Variants in SFMBT2 observed in about 807,000 individuals in gnomAD.
SFMBT2 encodes the protein scm-like with four MBT domains protein 2.
SFMBT2 carries 38 observed loss-of-function variants against 110.1 expected under a neutral mutation model. The observed-to-expected ratio is 0.35, with a 90% CI of 0.27 to 0.45. The LOEUF (loss-of-function observed/expected upper bound fraction) is 0.45, where lower values mean the gene tolerates loss of function less well. Among genes scored for constraint, SFMBT2 ranks in the 20% least tolerant of loss-of-function variants. The pLI, the probability that SFMBT2 is intolerant of heterozygous loss-of-function variation, is 1.00. For synonymous variants in SFMBT2, 425 were observed against 425.4 expected (o/e 1.00, Z 0.01); for missense variants, 1,011 against 1,094.9 (o/e 0.92, Z 1.08).
At chr10:7,394,504 A>G (rs1845868401) in intron 1 of SFMBT2, among the ~76,000 whole-genome samples, 2 of 144,452 alleles carry the variant, frequency 1.4e-5, no homozygotes, top group Non-Finnish European at 3.0e-5. Context: ...TGGTCACATG[A>G]CCCCCACCCC....
Position 7,243,517 on chromosome 10 carries a change from C to T in SFMBT2, c.1120+41G>A, listed in dbSNP as rs151087955. 66 of 867,764 alleles carry T rather than the reference C, an allele frequency of 7.6e-5. 1 individual carries two copies. Among genetic ancestry groups the T allele is most frequent in the African/African-American group, 5.7e-4 (35 of 61,266 alleles). The allele number at this position is 867,764 out of a possible 1,614,324, so 53.8% of individuals were successfully genotyped here. A position where few individuals can be genotyped will look rare whatever the true frequency, so the allele number is the denominator to read the frequency against. On this transcript the variant is annotated intron_variant, in intron 9 of 20. Coordinates refer to ENST00000397167, the MANE Select transcript of SFMBT2 (RefSeq NM_001387889.1). ...TACTTCAATGACAGTAAGACACCCTCCTGAATCTCCAGACCCTGCATACCT... is the reference window on the plus strand; with the variant it reads ...TACTTCAATGACAGTAAGACACCCTTCTGAATCTCCAGACCCTGCATACCT...
intron 16 of SFMBT2, among the ~76,000 whole-genome samples, chr10:7,182,525 T>C (rs1248949331): frequency 1.3e-5 from 2 of 152,082 alleles, no homozygotes; most frequent in East Asian, 3.9e-4. Context: ...CACCATGGAC[T>C]ACTATGCAGC....
intron 4 of SFMBT2, among the ~76,000 whole-genome samples, chr10:7,341,899 T>A (rs745479909): frequency 1.7e-4 from 26 of 152,208 alleles, no homozygotes; most frequent in Non-Finnish European, 2.9e-4. Context: ...TAAAAAGTTT[T>A]CAAAGCAGAA....
chr10:7,273,149 C>T (rs574706599), intron 7 of SFMBT2, among the ~76,000 whole-genome samples: 1 of 152,222 alleles, frequency 6.6e-6, no homozygotes, highest in East Asian at 1.9e-4. Context: ...TCTACACCCA[C>T]ACAAACTATC....
At chr10:7,329,419 TAA>T in intron 4 of SFMBT2, 1 of 984,986 alleles carries the variant, frequency 1.0e-6, no homozygotes, top group Non-Finnish European at 1.2e-6. Flanking sequence ...GCACGGGTGC[TAA>T]AGACATCCCC....
At chr10:7,246,468 C>G (rs184624882) in intron 8 of SFMBT2, among the ~76,000 whole-genome samples, 1 of 152,180 alleles carries the variant, frequency 6.6e-6, no homozygotes, top group African/African-American at 2.4e-5. Flanking sequence ...CGCCTATAAT[C>G]CCAGCACTTT....
intron 20 of SFMBT2, 163 bp from the exon 21 acceptor site, chr10:7,164,073 G>A (rs1245321916): frequency 1.0e-5 from 10 of 985,276 alleles, no homozygotes; most frequent in Non-Finnish European, 1.2e-6. Context: ...CTTGATGACT[G>A]TCTAATCTTT....
chr10:7,393,947 C>T (rs573164099), intron 1 of SFMBT2, among the ~76,000 whole-genome samples: 60 of 152,268 alleles, frequency 3.9e-4, no homozygotes, highest in Middle Eastern at 3.4e-3. Flanking sequence ...AACTTTGGGT[C>T]GCTGATACAC....
rs144600873 is a variant in SFMBT2, at chr10:7,354,861, A to G, written c.436+12788T>C. Among the ~76,000 whole-genome samples the G allele has an allele frequency of 1.1e-3, 167 of 152,366 alleles. 1 individual carries two copies. The highest frequency in any genetic ancestry group is 9.0e-3 in the Admixed American group (137 of 15,306). ...AGACAGAAAGTTGGCCAAAAGCCAG[A>G]GATGACTAAATTCAATTATGAGAAC... On this transcript the variant is annotated intron_variant, in intron 4 of 20. Transcript: ENST00000397167.
chr10:7,249,191 G>A, intron 7 of SFMBT2: 3 of 322,760 alleles, frequency 9.3e-6, no homozygotes, highest in Non-Finnish European at 1.3e-5. Context: ...GATGCCTGCA[G>A]GTAAGAATCC....
At chr10:7,270,536 G>A (rs1054353347) in intron 7 of SFMBT2, among the ~76,000 whole-genome samples, 2 of 152,170 alleles carry the variant, frequency 1.3e-5, no homozygotes, top group Non-Finnish European at 2.9e-5. Flanking sequence ...AAACATTAAT[G>A]AAAGTATCTC....
intron 4 of SFMBT2, among the ~76,000 whole-genome samples, chr10:7,287,077 CTTTTTT>C (rs761728311): frequency 2.0e-5 from 2 of 99,686 alleles, no homozygotes; most frequent in Non-Finnish European, 3.8e-5. Context: ...TTTGAGGCAT[CTTTTTT>C]TTTTTTTTTT....
At chr10:7,401,437 C>T (rs543707548) in intron 1 of SFMBT2, among the ~76,000 whole-genome samples, 1 of 152,298 alleles carries the variant, frequency 6.6e-6, no homozygotes, top group African/African-American at 2.4e-5. Context: ...CTTAACACCT[C>T]CTGTTTGTTT....
intron 8 of SFMBT2, chr10:7,246,128 T>C (rs1209081887): frequency 4.1e-6 from 4 of 983,940 alleles, no homozygotes; most frequent in East Asian, 1.1e-4. Flanking sequence ...ATACAAAACA[T>C]GGTCAATAAG....
At chr10:7,244,089 C>A in intron 8 of SFMBT2, 1 of 827,584 alleles carries the variant, frequency 1.2e-6, no homozygotes, top group Non-Finnish European at 1.5e-6. Context: ...GTGTCCACAG[C>A]CAGCACCAAA....
intron 1 of SFMBT2, among the ~76,000 whole-genome samples, chr10:7,405,807 C>G (rs12358616): frequency 0.029 from 4,325 of 149,032 alleles, 116 homozygotes; most frequent in Non-Finnish European, 0.043. Context: ...TGTCCACCTA[C>G]ACACTAGGCC....
chr10:7,314,991 AAAG>A (rs1166669358), intron 4 of SFMBT2, among the ~76,000 whole-genome samples: 1 of 150,498 alleles, frequency 6.6e-6, no homozygotes, highest in Non-Finnish European at 1.5e-5. Context: ...AAAGAGAAAG[AAAG>A]AAAGAAAAGA....
intron 4 of SFMBT2, among the ~76,000 whole-genome samples, chr10:7,349,607 G>A (rs929752518): frequency 4.6e-5 from 7 of 151,390 alleles, no homozygotes; most frequent in South Asian, 2.1e-4. Flanking sequence ...ACAGGTGCCC[G>A]CCACCACACC....
intron 4 of SFMBT2, among the ~76,000 whole-genome samples, chr10:7,364,568 C>T (rs774150791): frequency 2.0e-5 from 3 of 152,230 alleles, no homozygotes; most frequent in African/African-American, 7.2e-5. Context: ...TTCAAGACCC[C>T]AGAACTTGTC....
Sources: gnomAD v4.1 joint callset for allele counts (sites outside exome capture counted in the v4.1 genomes callset) on GRCh38, gnomAD v4.1.1 for gene constraint, MANE v1.5 for transcripts, NCBI Gene and HGNC (gene_info 2026-07-23, HGNC 2026-07-21) for gene names.